The following GRAP2 variants were observed in gnomAD, a reference collection of about 807,000 sequenced individuals.
GRAP2 encodes the protein GRB2-related adapter protein 2.
GRAP2 carries 31 observed loss-of-function variants against 43.5 expected under a neutral mutation model. The ratio of observed to expected loss-of-function variants is 0.71; its 90% CI spans 0.54 to 0.96. The LOEUF (loss-of-function observed/expected upper bound fraction) is 0.96, where lower values mean the gene tolerates loss of function less well. Ranked by LOEUF, GRAP2 falls within the 40% of genes least tolerant of loss-of-function variation. GRAP2 has a pLI of 0.00. For missense variants in GRAP2, 371 were observed against 424.4 expected (o/e 0.87, Z 1.11); for synonymous variants, 156 against 164.8 (o/e 0.95, Z 0.41).
At chr22:39,951,701 T>A (rs1359382166) in intron 2 of GRAP2, among the ~76,000 whole-genome samples, 1 of 151,996 alleles carries the variant, frequency 6.6e-6, no homozygotes, top group Non-Finnish European at 1.5e-5. Context: ...ACCGAACAGA[T>A]GGAGAGATGA....
At chr22:39,928,496 T>C (rs1239394140) in intron 1 of GRAP2, among the ~76,000 whole-genome samples, 2 of 152,184 alleles carry the variant, frequency 1.3e-5, no homozygotes, top group African/African-American at 2.4e-5. Context: ...GCCCAACTTA[T>C]TTGAGTCTGT....
At chr22:39,894,791 G>A in the GRAP2 span, among the ~76,000 whole-genome samples, 2 of 152,228 alleles carry the variant, frequency 1.3e-5, no homozygotes, top group Non-Finnish European at 2.9e-5. Context: ...TTACAGGCTA[G>A]TGGAGGTGAC....
chr22:39,932,522 G>A lies in GRAP2; in HGVS notation c.-14-14571G>A, dbSNP rs2066765818. On this transcript the variant is annotated intron_variant, in intron 1 of 7. Transcript: ENST00000344138. ...GGCCAGGAGTTCAAGATCAGCCTGA[G>A]CAACATAGGGAGACCCCTGTCTCTA... is the stretch of plus-strand genomic sequence containing the variant. Among the ~76,000 whole-genome samples, 3 of 126,712 alleles carry A rather than the reference G, an allele frequency of 2.4e-5. No homozygotes were observed. In the Admixed American group the frequency reaches 2.9e-4, roughly 12 times the overall value. The allele number at this position is 126,712 out of a possible 152,430, so 83.1% of individuals were successfully genotyped here.
intron 2 of GRAP2, among the ~76,000 whole-genome samples, chr22:39,949,174 C>A (rs1465810737): frequency 1.3e-5 from 2 of 152,112 alleles, no homozygotes; most frequent in Non-Finnish European, 2.9e-5. Flanking sequence ...CCCATTTCCA[C>A]CCAAGCCACT....
intron 1 of GRAP2, among the ~76,000 whole-genome samples, chr22:39,907,115 C>A (rs1280553407): frequency 1.3e-5 from 2 of 151,252 alleles, no homozygotes; most frequent in African/African-American, 2.4e-5. Context: ...AACATTGAGA[C>A]AACTAAGAAA....
intron 3 of GRAP2, among the ~76,000 whole-genome samples, chr22:39,959,393 G>A (rs1421757653): frequency 6.6e-6 from 1 of 152,222 alleles, no homozygotes; most frequent in Non-Finnish European, 1.5e-5. Context: ...CCCAGGATCT[G>A]GTTGTATAGA....
chr22:39,916,554 A>T (rs1344201485), intron 1 of GRAP2, among the ~76,000 whole-genome samples: 3 of 152,260 alleles, frequency 2.0e-5, no homozygotes, highest in Non-Finnish European at 4.4e-5. Context: ...TTTAAAAGTT[A>T]GTGAGTTGAA....
chr22:39,901,453 A>G, intron 1 of GRAP2, 123 bp downstream of exon 1: 1 of 395,678 alleles, frequency 2.5e-6, no homozygotes, highest in Non-Finnish European at 5.0e-6. Flanking sequence ...ATTGCTTTTA[A>G]GTCCCATCAG....
intron 1 of GRAP2, among the ~76,000 whole-genome samples, chr22:39,911,410 AC>A (rs1237453728): frequency 2.0e-5 from 3 of 150,234 alleles, no homozygotes; most frequent in Non-Finnish European, 4.4e-5. Flanking sequence ...CCTCAACTCT[AC>A]CCTCTTCTGT....
chr22:39,926,601 A>G (rs2066701942), intron 1 of GRAP2: 6 of 985,240 alleles, frequency 6.1e-6, no homozygotes, highest in Non-Finnish European at 7.2e-6. Flanking sequence ...AAAAGTCATA[A>G]AAGCATTCTA....
intron 1 of GRAP2, among the ~76,000 whole-genome samples, chr22:39,928,942 T>A (rs1009574700): frequency 1.3e-5 from 2 of 152,182 alleles, no homozygotes; most frequent in African/African-American, 4.8e-5. Flanking sequence ...AAGAAGGTAA[T>A]TTTTACCTGA....
chr22:39,945,474 G>A (rs2145633595), intron 1 of GRAP2, among the ~76,000 whole-genome samples: 1 of 152,272 alleles, frequency 6.6e-6, no homozygotes, highest in African/African-American at 2.4e-5. Flanking sequence ...CCCAAATCTT[G>A]TTAACTTGGG....
At chr22:39,928,751 T>C (rs2066728970) in intron 1 of GRAP2, among the ~76,000 whole-genome samples, 1 of 152,182 alleles carries the variant, frequency 6.6e-6, no homozygotes, top group South Asian at 2.1e-4. Context: ...GTTTGTACAG[T>C]AGTGCAGGCT....
At chr22:39,933,974 C>A (rs1269891395) in intron 1 of GRAP2, among the ~76,000 whole-genome samples, 1 of 152,050 alleles carries the variant, frequency 6.6e-6, no homozygotes. Flanking sequence ...AGCTGCCTCA[C>A]AAAAGGAAAG....
intron 1 of GRAP2, among the ~76,000 whole-genome samples, chr22:39,904,564 A>C (rs1411368804): frequency 2.6e-5 from 4 of 152,210 alleles, no homozygotes; most frequent in Non-Finnish European, 5.9e-5. Context: ...TTGCAGATAA[A>C]ATAATACTTC....
At chr22:39,936,750 C>T (rs2066810816) in intron 1 of GRAP2, among the ~76,000 whole-genome samples, 1 of 151,986 alleles carries the variant, frequency 6.6e-6, no homozygotes, top group South Asian at 2.1e-4. Flanking sequence ...AGGAAAAGAG[C>T]GACAGTTTGT....
chr22:39,939,938 G>A (rs1446201643), intron 1 of GRAP2, among the ~76,000 whole-genome samples: 1 of 152,052 alleles, frequency 6.6e-6, no homozygotes, highest in Non-Finnish European at 1.5e-5. Context: ...GGACCCTGAT[G>A]GCCACCCCCA....
chr22:39,932,732 AAGT>A (rs999364614), intron 1 of GRAP2, among the ~76,000 whole-genome samples: 2 of 151,766 alleles, frequency 1.3e-5, no homozygotes, highest in Admixed American at 6.6e-5. Context: ...AAAAAAAAAA[AAGT>A]AGCAATAGCT....
intron 1 of GRAP2, 133 bp downstream of exon 1, chr22:39,901,463 G>C (rs969980994): frequency 7.9e-6 from 3 of 381,846 alleles, no homozygotes; most frequent in Non-Finnish European, 1.5e-5. Flanking sequence ...AGTCCCATCA[G>C]CTAAGGTCTC....
Sources: gnomAD v4.1 joint callset for allele counts (sites outside exome capture counted in the v4.1 genomes callset) on GRCh38, gnomAD v4.1.1 for gene constraint, MANE v1.5 for transcripts, NCBI Gene and HGNC (gene_info 2026-07-23, HGNC 2026-07-21) for gene names.